The following NEMP2 variants were observed in gnomAD, a reference collection of about 807,000 sequenced individuals.
The protein encoded by NEMP2 is UPF0571 transmembrane protein.
NEMP2 carries 53 observed loss-of-function variants against 54.2 expected under a neutral mutation model. That is an observed-to-expected ratio of 0.98 (90% CI 0.78 to 1.23). The LOEUF (loss-of-function observed/expected upper bound fraction) is 1.23. Ranked by LOEUF, NEMP2 falls within the 50% of genes most tolerant of loss-of-function variation. NEMP2 has a pLI of 0.00. For missense variants in NEMP2, 455 were observed against 511.3 expected (o/e 0.89, Z 1.06); for synonymous variants, 197 against 190.3 (o/e 1.04, Z -0.29).
chr2:190,438,361 C>G, the NEMP2 span, among the ~76,000 whole-genome samples: 6 of 152,082 alleles, frequency 3.9e-5, no homozygotes, highest in Non-Finnish European at 5.9e-5. The surrounding 1 kb of genome is among the most constrained non-coding windows in gnomAD (Gnocchi z 5.2). Flanking sequence ...ACTAAAAATA[C>G]AAAAGTTAGC....
the NEMP2 span, among the ~76,000 whole-genome samples, chr2:190,587,411 G>A: frequency 1.8e-3 from 271 of 152,236 alleles, 3 homozygotes; most frequent in African/African-American, 5.9e-3. This position sits in a 1 kb window ranked among gnomAD's most constrained non-coding sequence, Gnocchi z 5.4. Context: ...GCAAAAACAC[G>A]GATACTCTGG....
chr2:190,528,309 C>T lies in NEMP2; in HGVS notation c.98-2931G>A, dbSNP rs1691013660. On this transcript the variant is annotated intron_variant, in intron 1 of 8. Coordinates refer to ENST00000409150, the MANE Select transcript of NEMP2 (RefSeq NM_001142645.2). This position sits in a 1 kb window ranked among gnomAD's most constrained non-coding sequence, Gnocchi z 4.3. ...AGAAGACATGAGAACACATTAAATGCTCCCAGTTAGTAAGCAGCAGAGGTG... is the reference window on the plus strand; with the variant it reads ...AGAAGACATGAGAACACATTAAATGTTCCCAGTTAGTAAGCAGCAGAGGTG... 6.6e-6 allele frequency among the ~76,000 whole-genome samples: 1 copy of T among 152,218 alleles called. No individual in the cohort carries two copies. The highest frequency in any genetic ancestry group is 2.1e-4 in the South Asian group (1 of 4,830).
At chr2:190,575,593 A>G in the NEMP2 span, among the ~76,000 whole-genome samples, 1 of 152,220 alleles carries the variant, frequency 6.6e-6, no homozygotes, top group South Asian at 2.1e-4. Context: ...GTTTTAAAGG[A>G]TATTGCTTGA....
At chr2:190,564,717 A>G in the NEMP2 span, among the ~76,000 whole-genome samples, 6 of 152,188 alleles carry the variant, frequency 3.9e-5, no homozygotes, top group East Asian at 1.9e-4. This position sits in a 1 kb window ranked among gnomAD's most constrained non-coding sequence, Gnocchi z 4.2. Flanking sequence ...GGCTCATTCA[A>G]CTGCCACATG....
chr2:190,432,912 T>C, the NEMP2 span, among the ~76,000 whole-genome samples: 2 of 149,968 alleles, frequency 1.3e-5, no homozygotes, highest in African/African-American at 4.9e-5. Context: ...ATAAATCTAA[T>C]ATAGCTAACT....
chr2:190,615,176 T>C, the NEMP2 span, among the ~76,000 whole-genome samples: 1 of 152,154 alleles, frequency 6.6e-6, no homozygotes, highest in African/African-American at 2.4e-5. The surrounding 1 kb of genome is among the most constrained non-coding windows in gnomAD (Gnocchi z 4.7). Context: ...AAGGGCTCAG[T>C]CCCACAAGAC....
the NEMP2 span, among the ~76,000 whole-genome samples, chr2:190,581,179 G>T: frequency 6.6e-6 from 1 of 152,146 alleles, no homozygotes; most frequent in African/African-American, 2.4e-5. Flanking sequence ...TTAAATTCAT[G>T]CACTAAAGCT....
the NEMP2 span, among the ~76,000 whole-genome samples, chr2:190,556,285 AT>A: frequency 1.3e-5 from 2 of 152,240 alleles, no homozygotes; most frequent in Non-Finnish European, 2.9e-5. Flanking sequence ...ACAGCTCTTC[AT>A]GCTAAAAACT....
chr2:190,441,960 A>AC, the NEMP2 span, among the ~76,000 whole-genome samples: 1 of 152,190 alleles, frequency 6.6e-6, no homozygotes, highest in Non-Finnish European at 1.5e-5. Flanking sequence ...ATCCTGATCC[A>AC]CCACTCTTCA....
chr2:190,448,681 A>G, the NEMP2 span, among the ~76,000 whole-genome samples: 2 of 152,216 alleles, frequency 1.3e-5, no homozygotes, highest in Non-Finnish European at 2.9e-5. Flanking sequence ...GGAATAATAC[A>G]CTCTAAATTC....
chr2:190,474,876 G>C, the NEMP2 span, among the ~76,000 whole-genome samples: 390 of 152,278 alleles, frequency 2.6e-3, 1 homozygote, highest in Admixed American at 4.4e-3. Context: ...CCATGATCAA[G>C]TGGGCTTCAT....
chr2:190,604,667 CT>C, the NEMP2 span, among the ~76,000 whole-genome samples: 2 of 152,170 alleles, frequency 1.3e-5, no homozygotes, highest in African/African-American at 4.8e-5. The surrounding 1 kb of genome is among the most constrained non-coding windows in gnomAD (Gnocchi z 4.5). Flanking sequence ...GTTTCTTCAG[CT>C]CCAAAGCTCA....
At chr2:190,511,549 T>C (rs1170173864) in intron 7 of NEMP2, among the ~76,000 whole-genome samples, 2 of 145,830 alleles carry the variant, frequency 1.4e-5, no homozygotes, top group East Asian at 3.9e-4. Flanking sequence ...TTAAATTAAA[T>C]TTAATTTTTT....
At chr2:190,556,356 A>T in the NEMP2 span, among the ~76,000 whole-genome samples, 1 of 152,220 alleles carries the variant, frequency 6.6e-6, no homozygotes, top group African/African-American at 2.4e-5. Flanking sequence ...TTTATGACAA[A>T]CCCACAGCCA....
the NEMP2 span, among the ~76,000 whole-genome samples, chr2:190,601,806 A>G: frequency 0.58 from 88,514 of 152,024 alleles, 26,988 homozygotes; most frequent in African/African-American, 0.74. The surrounding 1 kb of genome is among the most constrained non-coding windows in gnomAD (Gnocchi z 5.8). Flanking sequence ...CTGACCAAGT[A>G]CTAAGAATTC....
chr2:190,510,312 T>A lies in NEMP2; in HGVS notation c.1130+49A>T. The A allele has an allele frequency of 6.5e-7, 1 of 1,540,366 alleles. No homozygotes were observed. Among genetic ancestry groups the A allele is most frequent in the East Asian group, 2.5e-5 (1 of 40,664 alleles). ...TGTACCAAACCATCATATTATTTTT[T>A]AAATCATTCTGAACTAAACTATGGT... On this transcript the variant is annotated intron_variant, in intron 8 of 8. Transcript: ENST00000409150. This position sits in a 1 kb window ranked among gnomAD's most constrained non-coding sequence, Gnocchi z 5.7.
chr2:190,488,856 T>C, the NEMP2 span: 1 of 1,495,424 alleles, frequency 6.7e-7, no homozygotes, highest in Middle Eastern at 1.8e-4. This position sits in a 1 kb window ranked among gnomAD's most constrained non-coding sequence, Gnocchi z 6.4. Flanking sequence ...TTTTCTATTA[T>C]TAAAACATGA....
chr2:190,484,460 C>T, the NEMP2 span, among the ~76,000 whole-genome samples: 4 of 152,296 alleles, frequency 2.6e-5, no homozygotes, highest in African/African-American at 4.8e-5. Context: ...CTCTACTTTA[C>T]AGGAATGTCG....
At chr2:190,436,530 T>C in the NEMP2 span, 4 of 1,614,248 alleles carry the variant, frequency 2.5e-6, no homozygotes, top group African/African-American at 2.7e-5. This position sits in a 1 kb window ranked among gnomAD's most constrained non-coding sequence, Gnocchi z 5.3. Context: ...GCCCAACAAC[T>C]CACCCCACCA....
Sources: allele counts gnomAD v4.1 joint callset (sites outside exome capture counted in the v4.1 genomes callset), GRCh38; gene constraint gnomAD v4.1.1; non-coding constraint Gnocchi (gnomAD v3.1); transcripts MANE v1.5; gene names NCBI Gene and HGNC (gene_info 2026-07-23, HGNC 2026-07-21).